Variants in HEATR6 observed in about 807,000 individuals in gnomAD.
The protein encoded by HEATR6 is HEAT repeat containing 6, also known as HEAT repeat-containing protein 6.
HEATR6 carries 106 observed loss-of-function variants against 132.8 expected under a neutral mutation model. The ratio of observed to expected loss-of-function variants is 0.80; its 90% CI spans 0.68 to 0.94. HEATR6 has a LOEUF of 0.94. Ranked by LOEUF, HEATR6 falls within the 40% of genes least tolerant of loss-of-function variation. The pLI, the probability that HEATR6 is intolerant of heterozygous loss-of-function variation, is 0.00. For synonymous variants in HEATR6, 529 were observed against 537.8 expected (o/e 0.98, Z 0.23); for missense variants, 1,339 against 1,425.1 (o/e 0.94, Z 0.97).
At chr17:60,071,948 C>G (rs1201948356) in intron 5 of HEATR6, among the ~76,000 whole-genome samples, 1 of 152,154 alleles carries the variant, frequency 6.6e-6, no homozygotes, top group Non-Finnish European at 1.5e-5. Context: ...AAGATAGTCA[C>G]TAGCCTGCAA....
intron 9 of HEATR6, among the ~76,000 whole-genome samples, chr17:60,060,515 C>T (rs1398133398): frequency 6.6e-6 from 1 of 152,050 alleles, no homozygotes; most frequent in Non-Finnish European, 1.5e-5. Flanking sequence ...CACCATAGCA[C>T]AAAAATCTGA....
rs1906765987 is a variant in HEATR6, at chr17:60,057,057, C to T, written c.2070G>A (p.Glu690=). 1.3e-6 allele frequency: 2 copies of T among 1,591,912 alleles called. No individual in the cohort carries two copies. Among genetic ancestry groups the T allele is most frequent in the East Asian group, 2.2e-5 (1 of 44,578 alleles). The change falls in exon 12 of 20, where the codon GAG becomes GAA. Residue 690 remains glutamate (E), a synonymous_variant. Transcript: ENST00000184956. ...AAATGAAATCTCCTACCTGTAAGGC[C>T]TCCAGTCGCATGGGGGATGGTTCGT... ...STYEPSPMRL[E]ALQVLTLLAR...
rs1267992099 is a variant in HEATR6 at position 60,043,256 on chromosome 17, C to G, written c.*307G>C. The G allele has an allele frequency of 3.0e-6, 1 of 329,328 alleles. No individual in the cohort carries two copies. The highest frequency in any genetic ancestry group is 5.6e-6 in the Non-Finnish European group (1 of 178,662). 20.4% of individuals were successfully genotyped at this position (329,328 alleles called of 1,614,324 possible). ...TACACAAAATTCTAATTCCGAAATC[C>G]TTCTACATTTTTTTTTTCTGAGACT... On this transcript the variant is annotated 3_prime_UTR_variant, in exon 20 of 20. Coordinates refer to ENST00000184956, the MANE Select transcript of HEATR6 (RefSeq NM_022070.5).
chr17:60,044,227 C>T (rs1906288170), intron 19 of HEATR6, 93 bp from the exon 20 acceptor site: 2 of 818,754 alleles, frequency 2.4e-6, no homozygotes, highest in Admixed American at 2.6e-5. Context: ...AACACTAGTG[C>T]TCAAGACACT....
Position 60,059,908 on chromosome 17 carries a change from G to A in HEATR6, c.1605C>T (p.Thr535=), listed in dbSNP as rs779664014. ...LALVAESSSQ[T]VTQIIKCLAN... is the part of the protein sequence containing the mutation. ...ACATTACCTTAATTATCTGAGTAAC[G>A]GTCTGTGAGGATGACTCCGCCACCA... The change falls in exon 10 of 20, where the codon ACC becomes ACT. Residue 535 remains threonine, a synonymous_variant. Coordinates refer to ENST00000184956, the MANE Select transcript of HEATR6 (RefSeq NM_022070.5). 3.8e-5 allele frequency: 62 copies of A among 1,613,252 alleles called. No homozygotes were observed. Among genetic ancestry groups the A allele is most frequent in the South Asian group, 3.5e-4 (32 of 91,044 alleles).
Position 60,057,294 on chromosome 17 carries a change from G to A in HEATR6, c.1833C>T (p.Leu611=), listed in dbSNP as rs773731531. 13 of 1,614,022 alleles carry A rather than the reference G, an allele frequency of 8.1e-6. 1 individual carries two copies. Among genetic ancestry groups the A allele is most frequent in the South Asian group, 5.5e-5 (5 of 91,080 alleles). The stretch of plus-strand genomic sequence containing the variant: ...GAGGGGTTGCTGAATTGCTATTACC[G>A]AGTCCAGAAGAACATGGCTGTTGCA... ...LLLQQPCSSG[L]GNSNSATPHL... Residue 611 remains leucine, a synonymous_variant, in exon 12 of 20, where the codon CTC becomes CTT. Transcript: ENST00000184956.
At chr17:60,068,685 T>G (rs2083254885) in intron 7 of HEATR6, among the ~76,000 whole-genome samples, 1 of 151,694 alleles carries the variant, frequency 6.6e-6, no homozygotes, top group African/African-American at 2.4e-5. Context: ...ATACTCTCAT[T>G]CTCTATGTCT....
intron 19 of HEATR6, among the ~76,000 whole-genome samples, chr17:60,045,288 A>G (rs1906326168): frequency 1.3e-5 from 2 of 152,250 alleles, no homozygotes; most frequent in Admixed American, 6.5e-5. Context: ...AAAGGGGAGC[A>G]GAGCCAGACT....
Position 60,047,386 on chromosome 17 carries a change from A to G in HEATR6, c.2692T>C (p.Phe898Leu), listed in dbSNP as rs1030924950. Residue 898 changes from phenylalanine to leucine, a missense_variant, in exon 18 of 20, where the codon TTC becomes CTC. Transcript: ENST00000184956. Reference sequence around the variant, plus strand: ...AGGAGACCAGAGAACTCTTCCTGGAAACTTGGGTCTGGTGTTTCCCTGTTC... The same window carrying G: ...AGGAGACCAGAGAACTCTTCCTGGAGACTTGGGTCTGGTGTTTCCCTGTTC... ...IVNMETPDPS[F>L]QEEFSGLLLL... The G allele has an allele frequency of 1.2e-6, 2 of 1,612,886 alleles. No individual in the cohort carries two copies. The highest frequency in any genetic ancestry group is 1.7e-6 in the Non-Finnish European group (2 of 1,179,348).
intron 9 of HEATR6, 49 bp from the exon 10 acceptor site, chr17:60,060,145 G>T (rs752206513): frequency 1.6e-6 from 2 of 1,246,882 alleles, no homozygotes; most frequent in Admixed American, 3.4e-5. Context: ...TTAGGAGTCA[G>T]ATTCCCTTCT....
Position 60,057,391 on chromosome 17 carries a change from C to T in HEATR6, c.1736G>A (p.Arg579His), listed in dbSNP as rs778654009. Residue 579 changes from arginine (R) to histidine (H), a missense_variant, in exon 12 of 20, where the codon CGT becomes CAT. Arg to His is a conservative substitution (Grantham distance 29). Transcript: ENST00000184956. ...PYIRHKDVNVRVSSLTLLGAI... is the reference protein window; with the variant it reads ...PYIRHKDVNVHVSSLTLLGAI... ...TCCCAAGAGTGTGAGACTTGACACA[C>T]GAACATTAACATCTGTCAAAGGAAG... The T allele has an allele frequency of 3.1e-5, 50 of 1,590,100 alleles. No individual in the cohort carries two copies. The highest frequency in any genetic ancestry group is 5.2e-5 in the Admixed American group (3 of 58,094).
intron 9 of HEATR6, among the ~76,000 whole-genome samples, chr17:60,062,324 C>A (rs916357011): frequency 3.3e-5 from 5 of 152,172 alleles, no homozygotes; most frequent in African/African-American, 1.2e-4. Flanking sequence ...GTTAAGTTTT[C>A]ATTGTCTGAA....
At chr17:60,071,442 CAAT>C (rs1389180196) in intron 5 of HEATR6, among the ~76,000 whole-genome samples, 1 of 152,270 alleles carries the variant, frequency 6.6e-6, no homozygotes. Context: ...AACTCAACAA[CAAT>C]AACAGTAGGC....
intron 16 of HEATR6, among the ~76,000 whole-genome samples, chr17:60,049,117 C>CAG (rs901754686): frequency 3.6e-4 from 44 of 123,262 alleles, no homozygotes; most frequent in Non-Finnish European, 5.9e-4. Context: ...GAGAGAGAGA[C>CAG]AGAGAGTGTG....
chr17:60,063,141 CAT>C (rs2083221046), intron 9 of HEATR6: 1 of 152,204 alleles, frequency 6.6e-6, no homozygotes, highest in Non-Finnish European at 1.5e-5. Context: ...CTTGGCTGGC[CAT>C]ATGAGAGAAA....
intron 9 of HEATR6, among the ~76,000 whole-genome samples, chr17:60,062,627 A>G (rs989185846): frequency 6.6e-6 from 1 of 152,192 alleles, no homozygotes; most frequent in African/African-American, 2.4e-5. Context: ...TGCAGGGCAC[A>G]TGACTGTTCA....
In HEATR6 at chr17:60,070,804, A is replaced by T; in HGVS notation, c.703T>A (p.Leu235Met). 6.4e-7 allele frequency: 1 copy of T among 1,557,406 alleles called. No individual in the cohort carries two copies. Among genetic ancestry groups the T allele is most frequent in the Non-Finnish European group, 8.9e-7 (1 of 1,128,472 alleles). Residue 235 changes from leucine (L) to methionine (M), a missense_variant, in exon 6 of 20, where the codon TTG (leucine) becomes ATG (methionine). Coordinates refer to ENST00000184956, the MANE Select transcript of HEATR6 (RefSeq NM_022070.5). ...DMDDITFCML[L>M]QNALKGIQSL... is the part of the protein sequence containing the mutation. ...TGTATACCTTTTAATGCATTTTGCA[A>T]TAACTAGGGGGAAAAGGGAGACCCA...
At chr17:60,070,481 A>C (rs1417803818) in intron 6 of HEATR6, among the ~76,000 whole-genome samples, 27 of 152,172 alleles carry the variant, frequency 1.8e-4, no homozygotes, top group Admixed American at 1.8e-3. Flanking sequence ...TCCCTTCCTA[A>C]GATTCATAAA....
chr17:60,069,896 AC>A, intron 6 of HEATR6, 48 bp from the exon 7 acceptor site: 1 of 1,600,204 alleles, frequency 6.2e-7, no homozygotes. Context: ...AACCAAAAAA[AC>A]CATTAATCAT....
Sources: gnomAD v4.1 joint callset for allele counts (sites outside exome capture counted in the v4.1 genomes callset) on GRCh38, gnomAD v4.1.1 for gene constraint, MANE v1.5 for transcripts, NCBI Gene and HGNC (gene_info 2026-07-23, HGNC 2026-07-21) for gene names.